Variants in THSD4 observed in about 807,000 individuals in gnomAD.
THSD4 encodes the protein thrombospondin type 1 domain containing 4.
A neutral mutation model predicts 119.0 loss-of-function variants in THSD4; 69 were observed. That is an observed-to-expected ratio of 0.58 (90% CI 0.48 to 0.71). The LOEUF is 0.71. THSD4 is among the 30% of genes least tolerant of loss of function. THSD4 has a pLI of 0.00. For synonymous variants in THSD4, 524 were observed against 540.4 expected, an observed-to-expected ratio of 0.97 and a Z score of 0.42; for missense variants, 1,393 against 1,391.1, an observed-to-expected ratio of 1.00 and a Z score of -0.02.
At position 71,342,310 on chromosome 15, in the gene THSD4, G is replaced by T. The variant is rs767506831; in HGVS notation, c.1016-69377G>T. The T allele has an allele frequency of 5.5e-4, 88 of 158,912 alleles. 1 individual carries two copies. Among genetic ancestry groups the T allele is most frequent in the Middle Eastern group, 3.3e-3 (1 of 302 alleles). 9.8% of individuals were successfully genotyped at this position (158,912 alleles called of 1,614,324 possible). ...GCCACGGGGAGTGCACAGTACTCACGGTGCACATGATGCGTAGAAGAAAGA... is the reference window on the plus strand; with the variant it reads ...GCCACGGGGAGTGCACAGTACTCACTGTGCACATGATGCGTAGAAGAAAGA... On this transcript the variant is annotated intron_variant, in intron 6 of 17. Transcript: ENST00000261862.
At chr15:71,324,961 C>T (rs962520370) in intron 6 of THSD4, among the ~76,000 whole-genome samples, 1 of 152,164 alleles carries the variant, frequency 6.6e-6, no homozygotes. Flanking sequence ...ACCACATCCA[C>T]GCCAATACCT....
At chr15:71,189,446 G>A (rs629707) in intron 3 of THSD4, among the ~76,000 whole-genome samples, 3,274 of 152,248 alleles carry the variant, frequency 0.022, 132 homozygotes, top group African/African-American at 0.075. Flanking sequence ...CGAGGCAGGT[G>A]GATCACAAGG....
chr15:71,580,719 A>G (rs1567046388), intron 7 of THSD4, among the ~76,000 whole-genome samples: 1 of 152,134 alleles, frequency 6.6e-6, no homozygotes, highest in Non-Finnish European at 1.5e-5. Flanking sequence ...TTTACATTCC[A>G]TCTATAAGTG....
At chr15:71,751,616 C>T (rs2053449973) in intron 14 of THSD4, among the ~76,000 whole-genome samples, 1 of 151,950 alleles carries the variant, frequency 6.6e-6, no homozygotes, top group South Asian at 2.1e-4. Context: ...ATAACTGAAA[C>T]AATCTCCTAT....
intron 7 of THSD4, among the ~76,000 whole-genome samples, chr15:71,449,367 G>A (rs2047232506): frequency 6.6e-6 from 1 of 152,204 alleles, no homozygotes; most frequent in African/African-American, 2.4e-5. Flanking sequence ...TTCAGACACT[G>A]GTGAAGAACA....
In THSD4 at chr15:71,782,133, A is replaced by T. The variant is rs1398024891; in HGVS notation, c.*4759A>T. ...AGAGCCATGGCTTGCCTAGGACCCTATAGATACCATCACTCTTTCTCAGCT... is the reference window on the plus strand; with the variant it reads ...AGAGCCATGGCTTGCCTAGGACCCTTTAGATACCATCACTCTTTCTCAGCT... On this transcript the variant is annotated 3_prime_UTR_variant, in exon 18 of 18. Transcript: ENST00000261862. 6.6e-6 allele frequency: 1 copy of T among 152,234 alleles called. No individual in the cohort carries two copies. The highest frequency in any genetic ancestry group is 1.5e-5 in the Non-Finnish European group (1 of 68,078). The allele number at this position is 152,234 out of a possible 1,614,324, so 9.4% of individuals were successfully genotyped here.
At chr15:71,748,726 G>GACCA in intron 14 of THSD4, 132 bp downstream of exon 14, 1 of 1,198,770 alleles carries the variant, frequency 8.3e-7, no homozygotes, top group Non-Finnish European at 1.1e-6. Context: ...AAGGCCCAGA[G>GACCA]AGGAATTATC....
chr15:71,718,110 T>C (rs555553491), intron 8 of THSD4, among the ~76,000 whole-genome samples: 1 of 149,548 alleles, frequency 6.7e-6, no homozygotes, highest in African/African-American at 2.5e-5. Flanking sequence ...GATCATGCCA[T>C]TGCATGCCAG....
intron 6 of THSD4, among the ~76,000 whole-genome samples, chr15:71,333,736 A>G (rs1473244469): frequency 2.6e-5 from 4 of 152,130 alleles, no homozygotes; most frequent in African/African-American, 9.7e-5. Context: ...GCTATTTCCC[A>G]CTCAGTAAAG....
intron 6 of THSD4, among the ~76,000 whole-genome samples, chr15:71,294,853 G>C (rs771576930): frequency 1.1e-4 from 17 of 150,772 alleles, no homozygotes; most frequent in Non-Finnish European, 2.1e-4. Context: ...TATTTGATGC[G>C]TCGGTGGTCA....
At chr15:71,134,840 C>T (rs2040534517) in intron 1 of THSD4, among the ~76,000 whole-genome samples, 1 of 152,002 alleles carries the variant, frequency 6.6e-6, no homozygotes, top group African/African-American at 2.4e-5. Context: ...CTAGAAATAC[C>T]ATTTGACCCA....
chr15:71,751,092 C>T (rs2141180942), intron 14 of THSD4, among the ~76,000 whole-genome samples: 2 of 152,344 alleles, frequency 1.3e-5, no homozygotes, highest in East Asian at 3.9e-4. Flanking sequence ...GTCCCACTGT[C>T]CTTTAGAAAA....
At chr15:71,342,402 C>A (rs1162501774) in intron 6 of THSD4, 1 of 153,462 alleles carries the variant, frequency 6.5e-6, no homozygotes, top group Non-Finnish European at 1.4e-5. Flanking sequence ...ATCCTGAAGT[C>A]AGAGGACAGC....
chr15:71,583,963 T>G (rs2049608448), intron 7 of THSD4, among the ~76,000 whole-genome samples: 1 of 152,288 alleles, frequency 6.6e-6, no homozygotes, highest in East Asian at 1.9e-4. Context: ...TTATGGATTT[T>G]CTGTCTGGAT....
intron 4 of THSD4, among the ~76,000 whole-genome samples, chr15:71,235,583 C>CTCTTT (rs760270376): frequency 4.7e-5 from 6 of 127,300 alleles, no homozygotes; most frequent in East Asian, 2.3e-4. Context: ...CCACCTCTCT[C>CTCTTT]TTTTTTTTTT....
At chr15:71,254,827 G>A (rs190441038) in intron 5 of THSD4, among the ~76,000 whole-genome samples, 133 of 152,214 alleles carry the variant, frequency 8.7e-4, no homozygotes, top group Non-Finnish European at 1.7e-3. Context: ...TGGCCTGTCC[G>A]CCTCTCCCTG....
chr15:71,118,688 A>G (rs2040383936), intron 1 of THSD4, among the ~76,000 whole-genome samples: 1 of 152,194 alleles, frequency 6.6e-6, no homozygotes, highest in African/African-American at 2.4e-5. Flanking sequence ...GTGTGTATGC[A>G]GAATCGTGAT....
intron 7 of THSD4, among the ~76,000 whole-genome samples, chr15:71,459,380 GTCTCTCTC>G (rs141034841): frequency 0.043 from 5,880 of 137,690 alleles, 158 homozygotes; most frequent in South Asian, 0.06. Flanking sequence ...CTGTCTCTCT[GTCTCTCTC>G]TCTCTCTCTC....
intron 1 of THSD4, among the ~76,000 whole-genome samples, chr15:71,104,800 C>T (rs1223020894): frequency 6.6e-6 from 1 of 152,080 alleles, no homozygotes; most frequent in Non-Finnish European, 1.5e-5. Context: ...AGGAGTAGAG[C>T]TTTGTGTAAA....
Sources: gnomAD v4.1 joint callset for allele counts (sites outside exome capture counted in the v4.1 genomes callset) on GRCh38, gnomAD v4.1.1 for gene constraint, MANE v1.5 for transcripts, NCBI Gene and HGNC (gene_info 2026-07-23, HGNC 2026-07-21) for gene names.